IGSF21: variants seen among roughly 807,000 people sequenced by gnomAD.
IGSF21 encodes the protein immunoglobulin superfamily member 21.
Under a neutral mutation model 46.8 loss-of-function variants are expected in IGSF21, and 28 were observed. The observed-to-expected ratio is 0.60, with a 90% confidence interval of 0.44 to 0.82. The LOEUF is 0.82. Among genes scored for constraint, IGSF21 ranks in the 40% least tolerant of loss-of-function variants. The pLI, the probability that IGSF21 is intolerant of heterozygous loss-of-function variation, is 0.00. For synonymous variants in IGSF21, 284 were observed against 273.6 expected (o/e 1.04, Z -0.38); for missense variants, 624 against 665.5 (o/e 0.94, Z 0.69).
chr1:18,140,542 T>C (rs1347035327), intron 1 of IGSF21, among the ~76,000 whole-genome samples: 1 of 152,176 alleles, frequency 6.6e-6, no homozygotes, highest in Non-Finnish European at 1.5e-5. Flanking sequence ...ATATGCATGC[T>C]CCATGGAAGC....
At chr1:18,308,018 G>A (rs972446660) in intron 3 of IGSF21, among the ~76,000 whole-genome samples, 3 of 152,064 alleles carry the variant, frequency 2.0e-5, no homozygotes, top group Admixed American at 1.3e-4. Context: ...CCCTCCCAAC[G>A]GCCCCTAAAG....
Position 18,227,921 on chromosome 1 carries a change from C to G in IGSF21, c.94C>G (p.Pro32Ala). ...ARGYLTVNIE[P>A]LPPVVAGDAV... is the part of the protein sequence containing the mutation. ...AGGCTACCTGACAGTCAACATTGAGCCTCTCCCCCCTGTGGTGGCTGGAGA... is the reference window on the plus strand; with the variant it reads ...AGGCTACCTGACAGTCAACATTGAGGCTCTCCCCCCTGTGGTGGCTGGAGA... Residue 32 changes from proline to alanine, a missense_variant, in exon 2 of 10, where the codon CCT becomes GCT. Coordinates refer to ENST00000251296, the MANE Select transcript of IGSF21 (RefSeq NM_032880.5). 1.2e-6 allele frequency: 2 copies of G among 1,613,982 alleles called. No homozygotes were observed. Among genetic ancestry groups the G allele is most frequent in the Non-Finnish European group, 1.7e-6 (2 of 1,179,864 alleles).
At chr1:18,163,187 A>G (rs2086643981) in intron 1 of IGSF21, among the ~76,000 whole-genome samples, 1 of 152,108 alleles carries the variant, frequency 6.6e-6, no homozygotes, top group Admixed American at 6.5e-5. Flanking sequence ...CGTTTCCTAA[A>G]CTATAAAGGG....
chr1:18,215,500 G>A (rs1486925388), intron 1 of IGSF21, among the ~76,000 whole-genome samples: 1 of 152,208 alleles, frequency 6.6e-6, no homozygotes, highest in Non-Finnish European at 1.5e-5. Context: ...TGAAGCTGGA[G>A]TGTACATCAG....
chr1:18,319,676 T>C (rs926996194), intron 3 of IGSF21, among the ~76,000 whole-genome samples: 5 of 152,228 alleles, frequency 3.3e-5, no homozygotes, highest in Admixed American at 6.5e-5. Context: ...AGCTCAGCGA[T>C]TGTGCATTTG....
intron 3 of IGSF21, among the ~76,000 whole-genome samples, chr1:18,301,837 C>T (rs2085364996): frequency 6.6e-6 from 1 of 152,226 alleles, no homozygotes; most frequent in African/African-American, 2.4e-5. Flanking sequence ...CAGTCCCAGG[C>T]CCCTGGATGC....
At chr1:18,206,129 TAGAG>T (rs1404337352) in intron 1 of IGSF21, among the ~76,000 whole-genome samples, 2 of 152,180 alleles carry the variant, frequency 1.3e-5, no homozygotes, top group Non-Finnish European at 2.9e-5. Flanking sequence ...ATTTTCAGGA[TAGAG>T]AGAGAGGTTA....
At chr1:18,155,924 T>A (rs2027529) in intron 1 of IGSF21, among the ~76,000 whole-genome samples, 4 of 152,182 alleles carry the variant, frequency 2.6e-5, no homozygotes, top group Admixed American at 1.3e-4. Flanking sequence ...TTGATTAAAG[T>A]TGTACATGTT....
At chr1:18,181,469 G>A (rs1231846010) in intron 1 of IGSF21, among the ~76,000 whole-genome samples, 2 of 152,118 alleles carry the variant, frequency 1.3e-5, no homozygotes, top group African/African-American at 4.8e-5. Flanking sequence ...AGATTGTGCT[G>A]GGGATTAAAT....
chr1:18,339,147 T>C (rs2124610035), intron 4 of IGSF21, among the ~76,000 whole-genome samples: 1 of 152,304 alleles, frequency 6.6e-6, no homozygotes, highest in East Asian at 1.9e-4. Context: ...CAAAAGCCCT[T>C]GGATGTGGGC....
At chr1:18,186,596 A>T (rs573979258) in intron 1 of IGSF21, among the ~76,000 whole-genome samples, 1 of 152,128 alleles carries the variant, frequency 6.6e-6, no homozygotes, top group Admixed American at 6.5e-5. Flanking sequence ...TCCTTTTAGA[A>T]TCCACTCTCC....
Position 18,290,724 on chromosome 1 carries a change from CAG to C in IGSF21, c.184-1141_184-1140del, listed in dbSNP as rs1408327335. 1.3e-5 allele frequency among the ~76,000 whole-genome samples: 2 copies of C among 152,138 alleles called. No individual in the cohort carries two copies. The highest frequency in any genetic ancestry group is 6.5e-5 in the Admixed American group (1 of 15,278). On this transcript the variant is annotated intron_variant, in intron 2 of 9. Transcript: ENST00000251296. This position sits in a 1 kb window ranked among gnomAD's most constrained non-coding sequence, Gnocchi z 4.2. ...AGGGCCAGTACTCCCAGGCAGGTGA[CAG>C]GGGGACAGATTCACACTCCAATCCT...
chr1:18,181,249 G>A (rs2086855119), intron 1 of IGSF21, among the ~76,000 whole-genome samples: 1 of 152,184 alleles, frequency 6.6e-6, no homozygotes, highest in Non-Finnish European at 1.5e-5. Context: ...CATCCTACAC[G>A]TAGCTGTGAG....
intron 1 of IGSF21, among the ~76,000 whole-genome samples, chr1:18,214,286 C>T (rs978717366): frequency 4.6e-5 from 7 of 152,028 alleles, no homozygotes; most frequent in Non-Finnish European, 7.4e-5. Context: ...CAGAAAGCAC[C>T]GGGGACTGCT....
intron 1 of IGSF21, among the ~76,000 whole-genome samples, chr1:18,137,494 CTG>C (rs1022935880): frequency 2.6e-5 from 4 of 152,156 alleles, no homozygotes; most frequent in Non-Finnish European, 5.9e-5. Flanking sequence ...GATGGGGAAA[CTG>C]AGGCTCTGAG....
chr1:18,355,472 T>C (rs1242518165), intron 4 of IGSF21, among the ~76,000 whole-genome samples: 4 of 152,172 alleles, frequency 2.6e-5, no homozygotes, highest in African/African-American at 9.7e-5. Context: ...CTGCCTCCCT[T>C]GGTGGCCATG....
intron 2 of IGSF21, among the ~76,000 whole-genome samples, chr1:18,260,656 C>T (rs560599126): frequency 6.6e-6 from 1 of 152,190 alleles, no homozygotes; most frequent in East Asian, 1.9e-4. Context: ...TGGAAGGGGG[C>T]AGTAACTTCT....
intron 1 of IGSF21, among the ~76,000 whole-genome samples, chr1:18,125,057 A>G (rs2124411199): frequency 6.6e-6 from 1 of 152,156 alleles, no homozygotes; most frequent in South Asian, 2.1e-4. Context: ...ACGTTCTGGG[A>G]AGAAGAGGAG....
chr1:18,220,386 C>T (rs2084497906), intron 1 of IGSF21, among the ~76,000 whole-genome samples: 1 of 152,120 alleles, frequency 6.6e-6, no homozygotes, highest in Non-Finnish European at 1.5e-5. Flanking sequence ...CAGAACACAC[C>T]TGAGGTCGGG....
Sources: gnomAD v4.1 joint callset for allele counts (sites outside exome capture counted in the v4.1 genomes callset) on GRCh38, gnomAD v4.1.1 for gene constraint, Gnocchi (gnomAD v3.1) non-coding constraint, MANE v1.5 for transcripts, NCBI Gene and HGNC (gene_info 2026-07-23, HGNC 2026-07-21) for gene names.